The following MSRB3 variants were observed in gnomAD, a reference collection of about 807,000 sequenced individuals.
MSRB3 encodes the protein methionine sulfoxide reductase B3.
MSRB3 carries 13 observed loss-of-function variants against 21.0 expected under a neutral mutation model. The observed-to-expected ratio is 0.62, with a 90% CI of 0.40 to 0.98. The LOEUF (loss-of-function observed/expected upper bound fraction) is 0.98. MSRB3 is among the 50% of genes least tolerant of loss of function. MSRB3 has a pLI of 0.00. For synonymous variants in MSRB3, 87 were observed against 88.6 expected, an observed-to-expected ratio of 0.98 and a Z score of 0.10; for missense variants, 199 against 230.3, an observed-to-expected ratio of 0.86 and a Z score of 0.88.
chr12:65,442,539 G>A (rs1359925846), intron 5 of MSRB3, among the ~76,000 whole-genome samples: 1 of 151,992 alleles, frequency 6.6e-6, no homozygotes, highest in Non-Finnish European at 1.5e-5. Flanking sequence ...GGTCAGTTAA[G>A]CACAGTAAAT....
intron 5 of MSRB3, chr12:65,419,405 G>A (rs1451890412): frequency 2.0e-5 from 15 of 749,006 alleles, no homozygotes; most frequent in Non-Finnish European, 3.7e-5. Flanking sequence ...TCCTCCTTGA[G>A]AGTCTCGATC....
At chr12:65,405,338 T>C (rs934486615) in intron 5 of MSRB3, among the ~76,000 whole-genome samples, 1 of 152,048 alleles carries the variant, frequency 6.6e-6, no homozygotes, top group Non-Finnish European at 1.5e-5. Flanking sequence ...TGGCTTAAGT[T>C]TACATAATGT....
chr12:65,389,829 T>A (rs912797811), intron 5 of MSRB3, among the ~76,000 whole-genome samples: 1 of 152,246 alleles, frequency 6.6e-6, no homozygotes, highest in South Asian at 2.1e-4. Context: ...ATGGCCCTGC[T>A]GGAGGAAAGA....
At chr12:65,361,194 C>G (rs1369757054) in intron 4 of MSRB3, among the ~76,000 whole-genome samples, 1 of 152,012 alleles carries the variant, frequency 6.6e-6, no homozygotes, top group African/African-American at 2.4e-5. Context: ...CTACCTTTTA[C>G]TCAACTTCTA....
intron 5 of MSRB3, among the ~76,000 whole-genome samples, chr12:65,451,879 T>C (rs998196224): frequency 6.6e-6 from 1 of 152,226 alleles, no homozygotes; most frequent in African/African-American, 2.4e-5. Flanking sequence ...AGTTGTGCCT[T>C]TGTACTGGAC....
intron 6 of MSRB3, among the ~76,000 whole-genome samples, chr12:65,460,906 G>T (rs1883300177): frequency 6.6e-6 from 1 of 152,160 alleles, no homozygotes; most frequent in Admixed American, 6.5e-5. Context: ...TATGATTTGG[G>T]AAATTAAGAC....
intron 5 of MSRB3, among the ~76,000 whole-genome samples, chr12:65,450,854 A>G (rs1181801647): frequency 6.6e-6 from 1 of 152,212 alleles, no homozygotes; most frequent in Non-Finnish European, 1.5e-5. Context: ...CCTTCTTTAA[A>G]TACTTTCACA....
At chr12:65,284,146 G>A (rs938172481) in intron 1 of MSRB3, 6 of 152,180 alleles carry the variant, frequency 3.9e-5, no homozygotes, top group African/African-American at 1.4e-4. Flanking sequence ...TTAAGTGGAA[G>A]GCTTTTAATG....
intron 2 of MSRB3, among the ~76,000 whole-genome samples, chr12:65,321,292 A>T (rs905409467): frequency 3.3e-5 from 5 of 152,140 alleles, no homozygotes; most frequent in Admixed American, 6.6e-5. Context: ...GAATAGTGCC[A>T]GCAGATAATA....
At chr12:65,409,659 A>C (rs141986514) in intron 5 of MSRB3, among the ~76,000 whole-genome samples, 36 of 151,958 alleles carry the variant, frequency 2.4e-4, no homozygotes, top group African/African-American at 8.2e-4. Context: ...ATTATTAGTA[A>C]TTTTTTTCTT....
At chr12:65,353,175 G>C (rs1026632830) in intron 4 of MSRB3, among the ~76,000 whole-genome samples, 1 of 152,158 alleles carries the variant, frequency 6.6e-6, no homozygotes, top group Non-Finnish European at 1.5e-5. Flanking sequence ...TAGGCGTGGT[G>C]TGGTGCTGAA....
chr12:65,375,952 T>C (rs1429571963), intron 5 of MSRB3, among the ~76,000 whole-genome samples: 1 of 151,782 alleles, frequency 6.6e-6, no homozygotes, highest in Non-Finnish European at 1.5e-5. Context: ...GCCTCCCATG[T>C]ATTTAATTTT....
chr12:65,448,375 A>C (rs1882711428), intron 5 of MSRB3, among the ~76,000 whole-genome samples: 1 of 152,190 alleles, frequency 6.6e-6, no homozygotes, highest in South Asian at 2.1e-4. Context: ...CTTACATTCT[A>C]GTTCAAGAGG....
At chr12:65,420,583 A>G (rs1335621520) in intron 5 of MSRB3, among the ~76,000 whole-genome samples, 1 of 152,090 alleles carries the variant, frequency 6.6e-6, no homozygotes, top group Admixed American at 6.6e-5. Flanking sequence ...CCAGGTACTA[A>G]GCCTAGTGCC....
chr12:65,279,953 A>G lies in MSRB3; in HGVS notation c.-52+1088A>G, dbSNP rs888683754. Among the ~76,000 whole-genome samples the G allele has an allele frequency of 2.6e-5, 4 of 152,316 alleles. 1 individual carries two copies. The Middle Eastern group carries it at 0.01, about 389-fold the overall frequency. ...TAGTTTGCTTTTGTTTTTTCTACCAATAGACTAAATTGTCAAATAAGATAT... is the reference window on the plus strand; with the variant it reads ...TAGTTTGCTTTTGTTTTTTCTACCAGTAGACTAAATTGTCAAATAAGATAT... On this transcript the variant is annotated intron_variant, in intron 1 of 6. Transcript: ENST00000308259.
At chr12:65,378,594 T>C (rs1278900188) in intron 5 of MSRB3, among the ~76,000 whole-genome samples, 2 of 152,180 alleles carry the variant, frequency 1.3e-5, no homozygotes, top group South Asian at 2.1e-4. Flanking sequence ...GATGTGGCCA[T>C]TAGTAGGCCA....
intron 5 of MSRB3, among the ~76,000 whole-genome samples, chr12:65,400,395 GT>G (rs1261265431): frequency 2.0e-5 from 3 of 152,038 alleles, no homozygotes; most frequent in Non-Finnish European, 4.4e-5. Context: ...GCTTATTTTT[GT>G]AGCAGTGTTT....
At chr12:65,332,978 A>G (rs1221476579) in intron 4 of MSRB3, among the ~76,000 whole-genome samples, 2 of 152,194 alleles carry the variant, frequency 1.3e-5, no homozygotes, top group Admixed American at 6.5e-5. Context: ...TATTTCTCAT[A>G]TAGTACTACT....
At chr12:65,439,609 A>T (rs1186554299) in intron 5 of MSRB3, among the ~76,000 whole-genome samples, 1 of 151,698 alleles carries the variant, frequency 6.6e-6, no homozygotes. Context: ...GAAACTAGAG[A>T]TAAATATCTA....
Sources: gnomAD v4.1 joint callset for allele counts (sites outside exome capture counted in the v4.1 genomes callset) on GRCh38, gnomAD v4.1.1 for gene constraint, MANE v1.5 for transcripts, NCBI Gene and HGNC (gene_info 2026-07-23, HGNC 2026-07-21) for gene names.